TM7SF2: variants seen among roughly 807,000 people sequenced by gnomAD.
TM7SF2 encodes the protein transmembrane 7 superfamily member 2, also known as delta(14)-sterol reductase TM7SF2.
TM7SF2 carries 51 observed loss-of-function variants against 51.0 expected under a neutral mutation model. The ratio of observed to expected loss-of-function variants is 1.00; its 90% CI spans 0.80 to 1.26. The LOEUF (loss-of-function observed/expected upper bound fraction) is 1.26. Among genes scored for constraint, TM7SF2 ranks in the 50% most tolerant of loss-of-function variants. The pLI is 0.00. For synonymous variants in TM7SF2, 255 were observed against 241.0 expected, an observed-to-expected ratio of 1.06 and a Z score of -0.54; for missense variants, 541 against 547.4, an observed-to-expected ratio of 0.99 and a Z score of 0.12.
chr11:65,113,000 C>T, intron 3 of TM7SF2, 135 bp downstream of exon 3: 4 of 1,175,888 alleles, frequency 3.4e-6, no homozygotes, highest in South Asian at 3.1e-5. Flanking sequence ...GGACAGACGC[C>T]GGGGGCTCTC....
chr11:65,115,034 C>G lies in TM7SF2; in HGVS notation c.845C>G (p.Pro282Arg). 3 of 1,614,090 alleles carry G rather than the reference C, an allele frequency of 1.9e-6. No individual in the cohort carries two copies. Among genetic ancestry groups the G allele is most frequent in the Non-Finnish European group, 1.7e-6 (2 of 1,180,040 alleles). Residue 282 changes from proline to arginine, a missense_variant, in exon 7 of 10, where the codon CCG becomes CGG. Pro to Arg is a moderately radical substitution (Grantham distance 103). Transcript: ENST00000279263. ...CAGGCCCAGTTCCTGCTGCACCACCCGCAGCCCCTGGGGTTGCCCATGGCC... is the reference window on the plus strand; with the variant it reads ...CAGGCCCAGTTCCTGCTGCACCACCGGCAGCCCCTGGGGTTGCCCATGGCC... Reference protein sequence around the residue: ...SLQAQFLLHHPQPLGLPMASV... With the variant: ...SLQAQFLLHHRQPLGLPMASV...
chr11:65,115,303 T>C lies in TM7SF2; in HGVS notation c.893-11T>C, dbSNP rs762469012. The C allele has an allele frequency of 6.2e-7, 1 of 1,613,654 alleles. No homozygotes were observed. Among genetic ancestry groups the C allele is most frequent in the Non-Finnish European group, 8.5e-7 (1 of 1,179,758 alleles). On this transcript the variant is annotated splice_polypyrimidine_tract_variant and intron_variant, in intron 7 of 9. Transcript: ENST00000279263. ...CTTGACCTTGACCACCGGTTCACACTCTCTCACCAGCTACTGGTTACTACA... is the reference window on the plus strand; with the variant it reads ...CTTGACCTTGACCACCGGTTCACACCCTCTCACCAGCTACTGGTTACTACA...
At chr11:65,115,416 A>T (rs1438978229) in intron 8 of TM7SF2, 22 bp downstream of exon 8, 3 of 1,614,112 alleles carry the variant, frequency 1.9e-6, no homozygotes, top group Non-Finnish European at 2.5e-6. Context: ...CTCTAGGGCC[A>T]TGGGTGAGGT....
chr11:65,115,279 T>C, intron 7 of TM7SF2, 35 bp from the exon 8 acceptor site: 1 of 1,610,520 alleles, frequency 6.2e-7, no homozygotes, highest in Non-Finnish European at 8.5e-7. Flanking sequence ...GCTGCAACCC[T>C]TGACCTTGAC....
rs567520260 is a variant in TM7SF2, at chr11:65,115,611, T to C, written c.1096+13T>C. The C allele has an allele frequency of 4.3e-6, 7 of 1,613,768 alleles. No homozygotes were observed. In the Admixed American group the frequency reaches 6.7e-5, roughly 15 times the overall value. On this transcript the variant is annotated intron_variant, in intron 9 of 9. Coordinates refer to ENST00000279263, the MANE Select transcript of TM7SF2 (RefSeq NM_003273.6). ...TCCTTGCCCTGCGGTGAGTGGCCCATGTGGATATGGGTAGGGACATGTGAG... is the reference window on the plus strand; with the variant it reads ...TCCTTGCCCTGCGGTGAGTGGCCCACGTGGATATGGGTAGGGACATGTGAG...
intron 3 of TM7SF2, 136 bp from the exon 4 acceptor site, chr11:65,113,083 TC>T: frequency 9.0e-7 from 1 of 1,110,752 alleles, no homozygotes; most frequent in Non-Finnish European, 1.3e-6. Context: ...GCTGGGGTGA[TC>T]CTCTGAAGGC....
rs1383094677 is a variant in TM7SF2, at chr11:65,114,776, A to T, written c.667A>T (p.Met223Leu). 1.2e-6 allele frequency: 2 copies of T among 1,614,132 alleles called. No individual in the cohort carries two copies. Among genetic ancestry groups the T allele is most frequent in the African/African-American group, 2.7e-5 (2 of 74,950 alleles). The change falls in exon 6 of 10, where the codon ATG becomes TTG. Residue 223 changes from methionine to leucine, a missense_variant. Met to Leu is a conservative substitution (Grantham distance 15). Transcript: ENST00000279263. The part of the protein sequence containing the change: ...AELRGSPSLA[M>L]WLVNGFQLLY... Reference sequence around the variant, plus strand: ...GCTTCGAGGCAGTCCCTCACTGGCCATGTGGCTGGTCAATGGCTTCCAGTT... The same window carrying T: ...GCTTCGAGGCAGTCCCTCACTGGCCTTGTGGCTGGTCAATGGCTTCCAGTT...
Position 65,111,922 on chromosome 11 carries a change from C to T in TM7SF2, c.-94C>T. ...GCAGGCGCCGCGGGGCCGGATCCTC[C>T]GCGCGGCCGAGTCCATCTCCTGGGA... On this transcript the variant is annotated 5_prime_UTR_variant, in exon 1 of 10. Coordinates refer to ENST00000279263, the MANE Select transcript of TM7SF2 (RefSeq NM_003273.6). The T allele has an allele frequency of 7.2e-7, 1 of 1,387,934 alleles. No homozygotes were observed. Among genetic ancestry groups the T allele is most frequent in the Non-Finnish European group, 1.0e-6 (1 of 1,000,220 alleles). 86.0% of individuals were successfully genotyped at this position (1,387,934 alleles called of 1,614,324 possible). A position where few individuals can be genotyped will look rare whatever the true frequency, so the allele number is the denominator to read the frequency against.
rs1004884411 is a variant in TM7SF2 at position 65,112,234 on chromosome 11, G to A, written c.52+167G>A. 8.2e-6 allele frequency: 6 copies of A among 734,786 alleles called. No individual in the cohort carries two copies. In the African/African-American group the frequency reaches 9.1e-5, roughly 11 times the overall value. The allele number at this position is 734,786 out of a possible 1,614,324, so 45.5% of individuals were successfully genotyped here. A position where few individuals can be genotyped will look rare whatever the true frequency, so the allele number is the denominator to read the frequency against. On this transcript the variant is annotated intron_variant, in intron 1 of 9. Transcript: ENST00000279263. The stretch of plus-strand genomic sequence containing the variant: ...AGGGTGTCTGGAGAGGGAGAGCTGA[G>A]GAGGGGCCGGTTCTGGGGGCTGCAG...
chr11:65,114,718 C>G lies in TM7SF2; in HGVS notation c.609C>G (p.Leu203=). The G allele has an allele frequency of 6.2e-7, 1 of 1,614,128 alleles. No homozygotes were observed. Among genetic ancestry groups the G allele is most frequent in the Non-Finnish European group, 8.5e-7 (1 of 1,179,986 alleles). The part of the protein sequence containing the change: ...ELRPGLIGWV[L]INLALLMKEA... ...GCCTTGTTCCCTCTCCCCAGGTCCT[C>G]ATCAACCTGGCCCTGTTGATGAAGG... Residue 203 remains leucine, a synonymous_variant, in exon 6 of 10, where the codon CTC becomes CTG. Coordinates refer to ENST00000279263, the MANE Select transcript of TM7SF2 (RefSeq NM_003273.6).
At position 65,114,743 on chromosome 11, in the gene TM7SF2, G is replaced by C; in HGVS notation, c.634G>C (p.Glu212Gln). ...CATCAACCTGGCCCTGTTGATGAAG[G>C]AGGCAGAGCTTCGAGGCAGTCCCTC... ...VLINLALLMK[E>Q]AELRGSPSLA... Residue 212 changes from glutamate to glutamine, a missense_variant, in exon 6 of 10, where the codon GAG becomes CAG. Physicochemically the swap from Glu to Gln is conservative, Grantham distance 29. Coordinates refer to ENST00000279263, the MANE Select transcript of TM7SF2 (RefSeq NM_003273.6). 1 of 1,614,250 alleles carries C rather than the reference G, an allele frequency of 6.2e-7. No individual in the cohort carries two copies. Among genetic ancestry groups the C allele is most frequent in the Non-Finnish European group, 8.5e-7 (1 of 1,180,050 alleles).
intron 9 of TM7SF2, 108 bp from the exon 10 acceptor site, chr11:65,115,785 T>C: frequency 6.3e-7 from 1 of 1,592,092 alleles, no homozygotes; most frequent in Non-Finnish European, 8.6e-7. Flanking sequence ...ACCCTGGCGC[T>C]TTTGCTGCTG....
At chr11:65,112,749 CGAAT>C in intron 2 of TM7SF2, 38 bp downstream of exon 2, 1 of 1,549,070 alleles carries the variant, frequency 6.5e-7, no homozygotes, top group Non-Finnish European at 8.7e-7. Context: ...GGGAGGGAAG[CGAAT>C]GGGCTCGGCG....
At chr11:65,113,079 G>A (rs972792999) in intron 3 of TM7SF2, 141 bp from the exon 4 acceptor site, 2 of 1,096,600 alleles carry the variant, frequency 1.8e-6, no homozygotes, top group Non-Finnish European at 2.5e-6. Context: ...AGTGGCTGGG[G>A]TGATCCTCTG....
rs748516890 is a variant in TM7SF2, at chr11:65,114,737, A to C, written c.628A>C (p.Met210Leu). ...GGTCCTCATCAACCTGGCCCTGTTG[A>C]TGAAGGAGGCAGAGCTTCGAGGCAG... The part of the protein sequence containing the change: ...GWVLINLALL[M>L]KEAELRGSPS... Residue 210 changes from methionine (M) to leucine (L), a missense_variant, in exon 6 of 10, where the codon ATG becomes CTG. Physicochemically the swap from Met to Leu is conservative, Grantham distance 15 (BLOSUM62 2). Transcript: ENST00000279263. 2.5e-6 allele frequency: 4 copies of C among 1,614,066 alleles called. No homozygotes were observed. The highest frequency in any genetic ancestry group is 3.4e-6 in the Non-Finnish European group (4 of 1,180,036).
intron 5 of TM7SF2, chr11:65,113,831 T>C: frequency 1.8e-6 from 1 of 570,290 alleles, no homozygotes; most frequent in Non-Finnish European, 3.1e-6. Context: ...CAGAAAAAAA[T>C]AAGTAAAATA....
Position 65,115,042 on chromosome 11 carries a change from C to G in TM7SF2, c.853C>G (p.Leu285Val). 1.2e-6 allele frequency: 2 copies of G among 1,614,022 alleles called. No homozygotes were observed. The highest frequency in any genetic ancestry group is 1.7e-6 in the Non-Finnish European group (2 of 1,180,008). Residue 285 changes from leucine (L) to valine (V), a missense_variant, in exon 7 of 10, where the codon CTG becomes GTG. Physicochemically the swap from Leu to Val is conservative, Grantham distance 32 (BLOSUM62 1). Transcript: ENST00000279263. ...AQFLLHHPQP[L>V]GLPMASVICL... ...GTTCCTGCTGCACCACCCGCAGCCC[C>G]TGGGGTTGCCCATGGCCTCTGTCAT...
At chr11:65,115,453 T>C in intron 8 of TM7SF2, 23 bp from the exon 9 acceptor site, 3 of 1,614,086 alleles carry the variant, frequency 1.9e-6, no homozygotes, top group Non-Finnish European at 2.5e-6. Context: ...CTGGGAACTC[T>C]CCACCCTGCT....
At position 65,116,122 on chromosome 11, in the gene TM7SF2, T is replaced by A; in HGVS notation, c.*69T>A. 1 of 1,546,082 alleles carries A rather than the reference T, an allele frequency of 6.5e-7. No homozygotes were observed. The highest frequency in any genetic ancestry group is 1.2e-5 in the South Asian group (1 of 84,894). On this transcript the variant is annotated 3_prime_UTR_variant, in exon 10 of 10. Transcript: ENST00000279263. ...ACCAGCACACCCAGGACCAGGAGCC[T>A]CGACACACTTGGGACTCAAGGGCTT...
Sources: allele counts gnomAD v4.1 joint callset, GRCh38; gene constraint gnomAD v4.1.1; transcripts MANE v1.5; gene names NCBI Gene and HGNC (gene_info 2026-07-23, HGNC 2026-07-21).